TSPAN33: variants seen among roughly 807,000 people sequenced by gnomAD.
TSPAN33 encodes tetraspanin 33.
Under a neutral mutation model 34.8 loss-of-function variants are expected in TSPAN33, and 27 were observed. The ratio of observed to expected loss-of-function variants is 0.78; its 90% confidence interval spans 0.57 to 1.07. The LOEUF is 1.07. TSPAN33 is among the 50% of genes least tolerant of loss of function. The pLI, the probability that TSPAN33 is intolerant of heterozygous loss-of-function variation, is 0.00. For synonymous variants in TSPAN33, 119 were observed against 124.2 expected (o/e 0.96, Z 0.28); for missense variants, 272 against 324.9 (o/e 0.84, Z 1.25).
chr7:129,164,369 C>G (rs919216174), intron 4 of TSPAN33, 105 bp from the exon 5 acceptor site: 3 of 1,026,626 alleles, frequency 2.9e-6, no homozygotes, highest in Non-Finnish European at 4.5e-6. Flanking sequence ...GATTTCAAGG[C>G]AGACTCAGTT....
At chr7:129,147,493 A>T (rs146144510) in intron 1 of TSPAN33, among the ~76,000 whole-genome samples, 1 of 152,342 alleles carries the variant, frequency 6.6e-6, no homozygotes, top group East Asian at 1.9e-4. Flanking sequence ...ATACAAGAGC[A>T]GCTGGAGAGA....
At chr7:129,147,861 A>C (rs1272488236) in intron 1 of TSPAN33, among the ~76,000 whole-genome samples, 1 of 152,162 alleles carries the variant, frequency 6.6e-6, no homozygotes, top group African/African-American at 2.4e-5. Context: ...CTGACTCAGA[A>C]AACTAATGAA....
chr7:129,147,086 A>G (rs894738336), intron 1 of TSPAN33, among the ~76,000 whole-genome samples: 1 of 152,100 alleles, frequency 6.6e-6, no homozygotes, highest in Non-Finnish European at 1.5e-5. Context: ...CAAGGTCAGA[A>G]GACGTGGGTG....
chr7:129,152,919 T>A (rs1584635749), intron 1 of TSPAN33, among the ~76,000 whole-genome samples: 1 of 148,796 alleles, frequency 6.7e-6, no homozygotes, highest in Non-Finnish European at 1.5e-5. Flanking sequence ...TTAGCCAGGT[T>A]TGGTGGCACA....
At chr7:129,150,220 G>A (rs1810574665) in intron 1 of TSPAN33, among the ~76,000 whole-genome samples, 1 of 152,196 alleles carries the variant, frequency 6.6e-6, no homozygotes, top group South Asian at 2.1e-4. Flanking sequence ...GACAAGGCTA[G>A]GGCTTTCCCT....
rs1304831539 is a variant in TSPAN33, at chr7:129,169,352, G to C, written c.*1478G>C. 2 of 152,178 alleles carry C rather than the reference G, an allele frequency of 1.3e-5. No individual in the cohort carries two copies. The highest frequency in any genetic ancestry group is 2.9e-5 in the Non-Finnish European group (2 of 68,038). The allele number at this position is 152,178 out of a possible 1,614,324, so 9.4% of individuals were successfully genotyped here. On this transcript the variant is annotated 3_prime_UTR_variant, in exon 8 of 8. Coordinates refer to ENST00000486685, the MANE Select transcript of TSPAN33 (RefSeq NM_178562.5). ...GGCGGGGCGCTGGACTTCGTGGGTGGTCCCCGCCCCCGCGGCGGCCTAGGC... is the reference window on the plus strand; with the variant it reads ...GGCGGGGCGCTGGACTTCGTGGGTGCTCCCCGCCCCCGCGGCGGCCTAGGC...
chr7:129,162,991 T>A, intron 4 of TSPAN33, 84 bp downstream of exon 4: 2 of 1,297,556 alleles, frequency 1.5e-6, no homozygotes, highest in Non-Finnish European at 2.2e-6. Flanking sequence ...CCTGGTTAAT[T>A]AACCACAGCT....
chr7:129,152,814 T>C (rs1810614442), intron 1 of TSPAN33, among the ~76,000 whole-genome samples: 1 of 151,768 alleles, frequency 6.6e-6, no homozygotes, highest in African/African-American at 2.4e-5. Context: ...ATCCTAGCAC[T>C]TGGGGAGGCC....
At chr7:129,149,822 G>A (rs981318768) in intron 1 of TSPAN33, among the ~76,000 whole-genome samples, 1 of 152,342 alleles carries the variant, frequency 6.6e-6, no homozygotes, top group Non-Finnish European at 1.5e-5. Flanking sequence ...GAGGGAGAGC[G>A]CTGACAGCCA....
intron 1 of TSPAN33, among the ~76,000 whole-genome samples, chr7:129,147,833 T>C (rs991608180): frequency 6.6e-6 from 1 of 152,166 alleles, no homozygotes; most frequent in Non-Finnish European, 1.5e-5. Flanking sequence ...AAGCCCTGAC[T>C]CTTGGGGCAT....
chr7:129,145,103 C>A, intron 1 of TSPAN33, 21 bp downstream of exon 1: 1 of 676,890 alleles, frequency 1.5e-6, no homozygotes. Flanking sequence ...GGGTCGAGGG[C>A]ACCTGGGCGG....
chr7:129,164,932 C>A (rs552713939), intron 5 of TSPAN33: 34 of 186,564 alleles, frequency 1.8e-4, no homozygotes, highest in Admixed American at 2.8e-4. Context: ...TCTTTCCCCC[C>A]TTCTCACTGC....
At position 129,164,557 on chromosome 7, in the gene TSPAN33, T is replaced by G; in HGVS notation, c.447T>G (p.Phe149Leu). The G allele has an allele frequency of 6.2e-7, 1 of 1,613,856 alleles. No homozygotes were observed. Among genetic ancestry groups the G allele is most frequent in the Admixed American group, 1.7e-5 (1 of 60,014 alleles). The change falls in exon 5 of 8, where the codon TTT becomes TTG. Residue 149 changes from phenylalanine to leucine, a missense_variant. Phe to Leu is a conservative substitution (Grantham distance 22). Transcript: ENST00000486685. ...DDLDLQNLID[F>L]GQKKFSCCGG... ...TGGATCTGCAGAACCTCATTGATTTTGGCCAGAAAAAGGTATGGGTCAGCC... is the reference window on the plus strand; with the variant it reads ...TGGATCTGCAGAACCTCATTGATTTGGGCCAGAAAAAGGTATGGGTCAGCC...
chr7:129,158,810 G>A (rs1793002282), intron 1 of TSPAN33, among the ~76,000 whole-genome samples: 1 of 152,198 alleles, frequency 6.6e-6, no homozygotes, highest in Non-Finnish European at 1.5e-5. Flanking sequence ...GAGTGCAGTG[G>A]CACGTTCTCA....
In TSPAN33 at chr7:129,167,711, A is replaced by G; in HGVS notation, c.751-62A>G. ...AGTGCTGGCCGCACTGGGAAGATCG[A>G]GCCAGGGAAAACAAGGCCATCACTC... On this transcript the variant is annotated intron_variant, in intron 7 of 7. Transcript: ENST00000486685. This position sits in a 1 kb window ranked among gnomAD's most constrained non-coding sequence, Gnocchi z 4.6. 1 of 1,591,158 alleles carries G rather than the reference A, an allele frequency of 6.3e-7. No homozygotes were observed. The highest frequency in any genetic ancestry group is 1.3e-5 in the African/African-American group (1 of 74,638).
At chr7:129,157,688 C>A (rs1563137397) in intron 1 of TSPAN33, among the ~76,000 whole-genome samples, 1 of 152,150 alleles carries the variant, frequency 6.6e-6, no homozygotes, top group Non-Finnish European at 1.5e-5. Context: ...TTAAGCCTCT[C>A]CCCCAACAAC....
intron 6 of TSPAN33, 80 bp downstream of exon 6, chr7:129,166,986 C>A: frequency 6.7e-7 from 1 of 1,503,092 alleles, no homozygotes; most frequent in Non-Finnish European, 9.1e-7. Context: ...TACTGGGGAT[C>A]CCCATCCCCT....
intron 5 of TSPAN33, 51 bp downstream of exon 5, chr7:129,164,620 C>T: frequency 1.3e-6 from 2 of 1,507,706 alleles, no homozygotes; most frequent in Non-Finnish European, 1.8e-6. Context: ...TGAATGTCAT[C>T]CCAAGAGATG....
intron 1 of TSPAN33, among the ~76,000 whole-genome samples, chr7:129,149,593 T>C (rs531987126): frequency 9.9e-5 from 15 of 152,272 alleles, no homozygotes; most frequent in African/African-American, 3.1e-4. Context: ...GCCTCTCAGA[T>C]CTTTTTAGGA....
Sources: allele counts gnomAD v4.1 joint callset (sites outside exome capture counted in the v4.1 genomes callset), GRCh38; gene constraint gnomAD v4.1.1; non-coding constraint Gnocchi (gnomAD v3.1); transcripts MANE v1.5; gene names NCBI Gene and HGNC (gene_info 2026-07-23, HGNC 2026-07-21).